SLC8A1: variants seen among roughly 807,000 people sequenced by gnomAD.
SLC8A1 encodes sodium/calcium exchanger 1.
SLC8A1 carries 18 observed loss-of-function variants against 68.3 expected under a neutral mutation model. The observed-to-expected ratio is 0.26, with a 90% CI of 0.18 to 0.39. SLC8A1 has a LOEUF of 0.39. Among genes scored for constraint, SLC8A1 ranks in the 10% least tolerant of loss-of-function variants. SLC8A1 has a pLI of 1.00. For synonymous variants in SLC8A1, 475 were observed against 415.5 expected, an observed-to-expected ratio of 1.14 and a Z score of -1.74; for missense variants, 985 against 1,156.7, an observed-to-expected ratio of 0.85 and a Z score of 2.15.
At chr2:40,132,870 C>T (rs556804293) in intron 7 of SLC8A1, among the ~76,000 whole-genome samples, 276 of 152,200 alleles carry the variant, frequency 1.8e-3, no homozygotes, top group African/African-American at 6.5e-3. Context: ...TATAGTGGAG[C>T]TTTGTGGTAA....
chr2:40,422,303 G>A lies in SLC8A1; in HGVS notation c.1808+6170C>T, dbSNP rs555107064. 3.9e-5 allele frequency among the ~76,000 whole-genome samples: 6 copies of A among 152,284 alleles called. No individual in the cohort carries two copies. The South Asian group carries it at 1.2e-3, about 32-fold the overall frequency. ...CTCCAATGGTCAGATTTCAGCCATG[G>A]AGGAAATATGATGAAGATATTTTAT... On this transcript the variant is annotated intron_variant, in intron 2 of 7. Coordinates refer to ENST00000406785, the Ensembl canonical transcript of SLC8A1.
intron 2 of SLC8A1, among the ~76,000 whole-genome samples, chr2:40,198,855 T>C (rs934037266): frequency 6.6e-6 from 1 of 151,538 alleles, no homozygotes; most frequent in African/African-American, 2.4e-5. Flanking sequence ...TCCCTGCTGA[T>C]ACAGGGTTGA....
At chr2:40,202,582 A>T (rs926264590) in intron 2 of SLC8A1, among the ~76,000 whole-genome samples, 1 of 152,014 alleles carries the variant, frequency 6.6e-6, no homozygotes, top group South Asian at 2.1e-4. Context: ...CATATATTTT[A>T]TCCTTTTTTT....
chr2:40,149,923 G>A lies in SLC8A1; in HGVS notation c.2162-10247C>T, dbSNP rs139037126. 2.8e-3 allele frequency among the ~76,000 whole-genome samples: 431 copies of A among 152,128 alleles called. 1 individual carries two copies. The highest frequency in any genetic ancestry group is 4.9e-3 in the Non-Finnish European group (331 of 67,998). ...ACATGGAGTATCTGATGGTTAAGGC[G>A]TTGGTTCTACAACTCCAGAAGAAAA... On this transcript the variant is annotated intron_variant, in intron 6 of 7. Coordinates refer to ENST00000406785, the Ensembl canonical transcript of SLC8A1.
At position 40,151,897 on chromosome 2, in the gene SLC8A1, C is replaced by T. The variant is rs1273554475; in HGVS notation, c.2161+8868G>A. 2.0e-5 allele frequency among the ~76,000 whole-genome samples: 3 copies of T among 152,206 alleles called. No individual in the cohort carries two copies. The South Asian group carries it at 6.2e-4, about 32-fold the overall frequency. On this transcript the variant is annotated intron_variant, in intron 6 of 7. Coordinates refer to ENST00000406785, the Ensembl canonical transcript of SLC8A1. ...ACATTAAAGATAAAAATTAAAATTACAGATAAGTTAAACTCCAATGAGGGC... is the reference window on the plus strand; with the variant it reads ...ACATTAAAGATAAAAATTAAAATTATAGATAAGTTAAACTCCAATGAGGGC...
chr2:40,471,043 T>C (rs1703962000), intron 1 of SLC8A1, among the ~76,000 whole-genome samples: 1 of 152,190 alleles, frequency 6.6e-6, no homozygotes, highest in African/African-American at 2.4e-5. Flanking sequence ...TTGCTGCTTT[T>C]TATCATCTGT....
chr2:40,207,562 C>T (rs1045297696), intron 2 of SLC8A1, among the ~76,000 whole-genome samples: 8 of 152,008 alleles, frequency 5.3e-5, no homozygotes, highest in East Asian at 1.9e-4. Context: ...TATAACTACT[C>T]GAAATGACTT....
At chr2:40,172,670 C>T (rs566050116) in intron 4 of SLC8A1, among the ~76,000 whole-genome samples, 3 of 152,184 alleles carry the variant, frequency 2.0e-5, no homozygotes, top group African/African-American at 4.8e-5. Flanking sequence ...GGGCCAGGTG[C>T]GGTGGCTCAC....
intron 2 of SLC8A1, among the ~76,000 whole-genome samples, chr2:40,387,842 C>A (rs1334628163): frequency 1.4e-5 from 2 of 146,550 alleles, no homozygotes; most frequent in Non-Finnish European, 3.0e-5. Flanking sequence ...GAGCCTGAGA[C>A]ATGAGAATTG....
chr2:40,291,703 A>G (rs1169872200), intron 2 of SLC8A1, among the ~76,000 whole-genome samples: 3 of 152,192 alleles, frequency 2.0e-5, no homozygotes, highest in Non-Finnish European at 2.9e-5. Context: ...TCAAATATTT[A>G]AAGAATAACT....
chr2:40,355,752 A>T (rs551286597), intron 2 of SLC8A1, among the ~76,000 whole-genome samples: 21 of 152,282 alleles, frequency 1.4e-4, no homozygotes, highest in Non-Finnish European at 2.5e-4. Flanking sequence ...GAATGTCAGT[A>T]TAAACTCACC....
chr2:40,463,881 CACACACAT>C (rs1257524969), intron 1 of SLC8A1, among the ~76,000 whole-genome samples: 52 of 133,124 alleles, frequency 3.9e-4, no homozygotes, highest in African/African-American at 1.5e-3. Context: ...CACACACACA[CACACACAT>C]ATATATATAG....
chr2:40,160,827 G>A (rs748155429), exon 6 of SLC8A1: 2 of 1,613,144 alleles, frequency 1.2e-6, no homozygotes, highest in Admixed American at 3.3e-5. Flanking sequence ...AACCACAAGG[G>A]CCAGGTTTGT....
intron 2 of SLC8A1, among the ~76,000 whole-genome samples, chr2:40,222,421 C>A (rs922522626): frequency 1.3e-5 from 2 of 152,122 alleles, no homozygotes; most frequent in Non-Finnish European, 2.9e-5. Flanking sequence ...ACCATAAAAA[C>A]CCTAGAAGAA....
At chr2:40,126,358 A>G (rs1572859934) in intron 7 of SLC8A1, among the ~76,000 whole-genome samples, 2 of 152,192 alleles carry the variant, frequency 1.3e-5, no homozygotes. Context: ...TGAAACCATC[A>G]TTAACCACTG....
chr2:40,181,586 A>T (rs114370207), intron 2 of SLC8A1, among the ~76,000 whole-genome samples: 1 of 152,198 alleles, frequency 6.6e-6, no homozygotes, highest in African/African-American at 2.4e-5. Flanking sequence ...TTATATATTG[A>T]TTTCACTCCT....
chr2:40,235,067 G>C (rs76839556), intron 2 of SLC8A1, among the ~76,000 whole-genome samples: 3 of 151,594 alleles, frequency 2.0e-5, no homozygotes, highest in African/African-American at 7.3e-5. Flanking sequence ...TCTCTTTTTT[G>C]GTTGTGTCTC....
intron 2 of SLC8A1, among the ~76,000 whole-genome samples, chr2:40,263,804 C>T (rs912081239): frequency 6.6e-6 from 1 of 152,080 alleles, no homozygotes; most frequent in Admixed American, 6.5e-5. Context: ...GACTTCATGT[C>T]TAAAACACAA....
At chr2:40,154,592 A>G (rs405416) in intron 6 of SLC8A1, among the ~76,000 whole-genome samples, 121,377 of 150,976 alleles carry the variant, frequency 0.8, 49,451 homozygotes, top group East Asian at 0.99. Context: ...CTCCCAAAGT[A>G]TTGGGATTAC....
Sources: gnomAD v4.1 joint callset for allele counts (sites outside exome capture counted in the v4.1 genomes callset) on GRCh38, gnomAD v4.1.1 for gene constraint, MANE v1.5 for transcripts, NCBI Gene and HGNC (gene_info 2026-07-23, HGNC 2026-07-21) for gene names.